Variants in FSTL4 observed in about 807,000 individuals in gnomAD.
FSTL4 encodes follistatin-related protein 4.
FSTL4 carries 28 observed loss-of-function variants against 78.2 expected under a neutral mutation model. The ratio of observed to expected loss-of-function variants is 0.36; its 90% confidence interval spans 0.27 to 0.49. The LOEUF is 0.49. Among genes scored for constraint, FSTL4 ranks in the 20% least tolerant of loss-of-function variants. The probability of loss-of-function intolerance (pLI) is 0.98; values close to 1 mark genes in which losing one functional copy is unlikely to be tolerated. For missense variants in FSTL4, 922 were observed against 1,084.9 expected (o/e 0.85, Z 2.11); for synonymous variants, 422 against 440.5 (o/e 0.96, Z 0.53).
chr5:133,528,485 G>A (rs867075713), intron 3 of FSTL4, among the ~76,000 whole-genome samples: 26 of 152,184 alleles, frequency 1.7e-4, no homozygotes, highest in Non-Finnish European at 2.2e-4. Flanking sequence ...TGACCACCGC[G>A]TCTGGATTCG....
the FSTL4 span, among the ~76,000 whole-genome samples, chr5:133,678,897 TG>T: frequency 2.0e-5 from 3 of 151,624 alleles, no homozygotes. Context: ...AGTGGGAGGG[TG>T]GGCGTGGCAG....
chr5:133,531,004 C>T (rs1221746895), intron 3 of FSTL4, among the ~76,000 whole-genome samples: 2 of 152,200 alleles, frequency 1.3e-5, no homozygotes, highest in Non-Finnish European at 2.9e-5. Flanking sequence ...ATGGGCCAGA[C>T]TCACATCTAG....
intron 4 of FSTL4, among the ~76,000 whole-genome samples, chr5:133,340,109 C>A (rs1195187477): frequency 4.6e-5 from 7 of 152,122 alleles, no homozygotes; most frequent in African/African-American, 1.7e-4. Flanking sequence ...GCAGCACCCA[C>A]TTGCTTGCTT....
the FSTL4 span, among the ~76,000 whole-genome samples, chr5:133,671,726 A>G: frequency 6.6e-6 from 1 of 152,220 alleles, no homozygotes; most frequent in South Asian, 2.1e-4. Flanking sequence ...GAACATTTTA[A>G]AAGAGGCAAA....
chr5:133,251,047 T>C (rs896067540), intron 6 of FSTL4, among the ~76,000 whole-genome samples: 2 of 152,184 alleles, frequency 1.3e-5, no homozygotes, highest in Non-Finnish European at 2.9e-5. Flanking sequence ...GGCATAATAT[T>C]TTACCAACAA....
the FSTL4 span, among the ~76,000 whole-genome samples, chr5:133,648,551 T>A: frequency 1.4e-4 from 22 of 152,184 alleles, no homozygotes; most frequent in African/African-American, 3.4e-4. Context: ...CTATGGTACA[T>A]CCAACACAAT....
intron 2 of FSTL4, among the ~76,000 whole-genome samples, chr5:133,594,373 G>A (rs1347330364): frequency 6.6e-6 from 1 of 152,136 alleles, no homozygotes; most frequent in Non-Finnish European, 1.5e-5. Flanking sequence ...TTGTATTTTT[G>A]GTAGAGACTG....
At chr5:133,417,958 TA>T (rs527415337) in intron 3 of FSTL4, among the ~76,000 whole-genome samples, 250 of 51,124 alleles carry the variant, frequency 4.9e-3, no homozygotes, top group African/African-American at 7.7e-3. Context: ...GACTCCATCT[TA>T]AAAAAAAAAA....
intron 11 of FSTL4, among the ~76,000 whole-genome samples, chr5:133,222,487 G>C (rs1042065297): frequency 6.6e-6 from 1 of 152,158 alleles, no homozygotes; most frequent in Non-Finnish European, 1.5e-5. Flanking sequence ...GGCCAGAGGG[G>C]TCAAAGTCCC....
chr5:133,582,943 T>A (rs1421926356), intron 2 of FSTL4, among the ~76,000 whole-genome samples: 1 of 152,118 alleles, frequency 6.6e-6, no homozygotes, highest in African/African-American at 2.4e-5. Context: ...GGGGTGCTCA[T>A]CCACCTAGAT....
At chr5:133,399,391 G>T (rs1316544839) in intron 4 of FSTL4, among the ~76,000 whole-genome samples, 1 of 152,208 alleles carries the variant, frequency 6.6e-6, no homozygotes, top group African/African-American at 2.4e-5. Context: ...AAGCACAGCT[G>T]TGAAAGTGTC....
chr5:133,804,907 C>T, the FSTL4 span, among the ~76,000 whole-genome samples: 2 of 136,504 alleles, frequency 1.5e-5, no homozygotes, highest in African/African-American at 2.8e-5. Context: ...CGTGCCACTG[C>T]ACTCCAGCCT....
chr5:133,695,951 A>C, the FSTL4 span, among the ~76,000 whole-genome samples: 1 of 152,070 alleles, frequency 6.6e-6, no homozygotes, highest in African/African-American at 2.4e-5. Flanking sequence ...AGGCCAGCCC[A>C]CCTCCCTCAT....
chr5:133,673,135 T>A, the FSTL4 span, among the ~76,000 whole-genome samples: 1 of 152,208 alleles, frequency 6.6e-6, no homozygotes, highest in Non-Finnish European at 1.5e-5. Context: ...TCAGATAGCA[T>A]CTATCTCAGT....
chr5:133,524,390 GAA>G, intron 3 of FSTL4, among the ~76,000 whole-genome samples: 1 of 152,312 alleles, frequency 6.6e-6, no homozygotes, highest in East Asian at 1.9e-4. Context: ...TGTGATGACT[GAA>G]GAGTGAAGAG....
chr5:133,208,680 CTTTT>C (rs771799738), intron 14 of FSTL4, among the ~76,000 whole-genome samples: 1 of 151,964 alleles, frequency 6.6e-6, no homozygotes, highest in Non-Finnish European at 1.5e-5. Flanking sequence ...ATGCATTTTT[CTTTT>C]TTTGTTTTTT....
intron 6 of FSTL4, among the ~76,000 whole-genome samples, chr5:133,267,869 T>G (rs899717887): frequency 6.6e-6 from 1 of 152,098 alleles, no homozygotes; most frequent in Non-Finnish European, 1.5e-5. Context: ...CTGGCTTGGC[T>G]GGGGCAAGAA....
the FSTL4 span, among the ~76,000 whole-genome samples, chr5:133,808,895 A>G: frequency 3.4e-5 from 5 of 146,572 alleles, no homozygotes; most frequent in Non-Finnish European, 3.0e-5. Flanking sequence ...ACAAAACACA[A>G]CTGAACCTGG....
chr5:133,751,707 T>C, the FSTL4 span, among the ~76,000 whole-genome samples: 272 of 152,068 alleles, frequency 1.8e-3, 1 homozygote, highest in Middle Eastern at 0.01. Flanking sequence ...ATTGACTGTC[T>C]GAGAGGTGTC....
Sources: gnomAD v4.1 joint callset for allele counts (sites outside exome capture counted in the v4.1 genomes callset) on GRCh38, gnomAD v4.1.1 for gene constraint, MANE v1.5 for transcripts, NCBI Gene and HGNC (gene_info 2026-07-23, HGNC 2026-07-21) for gene names.